Variants in NAV1 observed in about 807,000 individuals in gnomAD.
NAV1 encodes the protein pore membrane and/or filament interacting like protein 3.
NAV1 carries 18 observed loss-of-function variants against 175.2 expected under a neutral mutation model. The observed-to-expected ratio is 0.10, with a 90% CI of 0.07 to 0.15. NAV1 has a LOEUF of 0.15. NAV1 is among the 10% of genes least tolerant of loss of function. The pLI is 1.00. For missense variants in NAV1, 1,731 were observed against 2,436.6 expected, an observed-to-expected ratio of 0.71 and a Z score of 6.10; for synonymous variants, 897 against 978.7, an observed-to-expected ratio of 0.92 and a Z score of 1.56.
At chr1:201,551,868 G>A (rs952783909) in intron 1 of NAV1, among the ~76,000 whole-genome samples, 2 of 152,228 alleles carry the variant, frequency 1.3e-5, no homozygotes, top group Non-Finnish European at 2.9e-5. Flanking sequence ...CCGGTCTGGA[G>A]CTAATAAGCC....
chr1:201,604,245 G>C (rs894149963), intron 2 of NAV1, among the ~76,000 whole-genome samples: 1 of 152,126 alleles, frequency 6.6e-6, no homozygotes, highest in African/African-American at 2.4e-5. Flanking sequence ...TGTAGAGGTG[G>C]TGATCTTGTT....
chr1:201,811,757 GGTAA>G lies in NAV1; in HGVS notation c.4952+6_4952+9del, dbSNP rs1678705202. 6.2e-7 allele frequency: 1 copy of G among 1,604,202 alleles called. No individual in the cohort carries two copies. The highest frequency in any genetic ancestry group is 2.2e-5 in the East Asian group (1 of 44,830). ...GCCCTCACCTGCAAGTATCATAAAT[GGTAA>G]GTAAGCTGGGATCAAGACAAAATTC... On this transcript the variant is annotated splice_donor_variant and splice_donor_region_variant and intron_variant, in intron 25 of 29. Coordinates refer to ENST00000367296, the Ensembl canonical transcript of NAV1. LOFTEE classifies it high-confidence loss of function.
intron 1 of NAV1, among the ~76,000 whole-genome samples, chr1:201,552,757 A>G (rs763874214): frequency 6.6e-6 from 1 of 152,152 alleles, no homozygotes; most frequent in Non-Finnish European, 1.5e-5. Flanking sequence ...GATCCACCGA[A>G]CGTACACCGG....
chr1:201,721,862 G>A (rs1361282528), intron 3 of NAV1, among the ~76,000 whole-genome samples: 1 of 152,146 alleles, frequency 6.6e-6, no homozygotes, highest in Admixed American at 6.5e-5. Context: ...GTTTATCTGC[G>A]GGGGGATCAT....
At chr1:201,652,676 G>T (rs917739507) in intron 1 of NAV1, among the ~76,000 whole-genome samples, 25 of 152,196 alleles carry the variant, frequency 1.6e-4, no homozygotes, top group African/African-American at 5.8e-4. Context: ...GAATGGAAGA[G>T]ACCCTCCCAT....
intron 3 of NAV1, among the ~76,000 whole-genome samples, chr1:201,749,831 G>A (rs554632375): frequency 2.6e-5 from 4 of 152,234 alleles, no homozygotes; most frequent in East Asian, 3.9e-4. Flanking sequence ...AGCCTAGGAC[G>A]TCGAGGCTGC....
chr1:201,748,373 C>A (rs935785024), intron 3 of NAV1, among the ~76,000 whole-genome samples: 2 of 152,148 alleles, frequency 1.3e-5, no homozygotes, highest in Non-Finnish European at 2.9e-5. Context: ...CCTGGCAAAG[C>A]TGTGCTCCTC....
intron 1 of NAV1, among the ~76,000 whole-genome samples, chr1:201,651,122 C>CGTGTGTGTGTATGTGT (rs1553248670): frequency 1.5e-5 from 2 of 129,062 alleles, no homozygotes; most frequent in Non-Finnish European, 3.4e-5. Flanking sequence ...AGGAAGGGAC[C>CGTGTGTGTGTATGTGT]GTGTGTGTGT....
At chr1:201,743,930 G>C (rs1460763877) in intron 3 of NAV1, among the ~76,000 whole-genome samples, 2 of 152,148 alleles carry the variant, frequency 1.3e-5, no homozygotes, top group Admixed American at 1.3e-4. Flanking sequence ...TCGAGCCCAG[G>C]CTGGAGTGCA....
exon 30 of NAV1, chr1:201,819,857 T>G: frequency 6.2e-7 from 1 of 1,614,142 alleles, no homozygotes; most frequent in Non-Finnish European, 8.5e-7. Context: ...TGCTGAAACT[T>G]CAAGAAGCTG....
At chr1:201,634,263 C>A (rs147154227) in intron 2 of NAV1, among the ~76,000 whole-genome samples, 5 of 152,342 alleles carry the variant, frequency 3.3e-5, no homozygotes, top group Admixed American at 2.0e-4. Flanking sequence ...TACATAAGAA[C>A]TGCTCAATAT....
upstream of NAV1, among the ~76,000 whole-genome samples, chr1:201,645,401 TG>T (rs58027744): frequency 0.014 from 953 of 66,960 alleles, 23 homozygotes; most frequent in African/African-American, 0.056. Context: ...GGGACTGTTG[TG>T]GGGTGGGGGG....
intron 1 of NAV1, among the ~76,000 whole-genome samples, chr1:201,570,121 G>A (rs987319): frequency 6.6e-6 from 1 of 152,068 alleles, no homozygotes; most frequent in East Asian, 1.9e-4. Flanking sequence ...GCCCTGATTA[G>A]GCTGACCTGA....
At position 201,663,972 on chromosome 1, in the gene NAV1, A is replaced by G. The variant is rs143097070; in HGVS notation, c.757+14547A>G. 9.9e-3 allele frequency among the ~76,000 whole-genome samples: 1,515 copies of G among 152,278 alleles called. 28 individuals are homozygous for G. Among genetic ancestry groups the G allele is most frequent in the African/African-American group, 0.034 (1,416 of 41,540 alleles). Reference sequence around the variant, plus strand: ...GTTGAAATTGTATCTTTGGATTACAATCGTAAAGTTCCCAGCTTCTCAACT... The same window carrying G: ...GTTGAAATTGTATCTTTGGATTACAGTCGTAAAGTTCCCAGCTTCTCAACT... On this transcript the variant is annotated intron_variant, in intron 1 of 29. Coordinates refer to ENST00000367296, the Ensembl canonical transcript of NAV1.
At chr1:201,805,677 C>G (rs1334315434) in intron 17 of NAV1, among the ~76,000 whole-genome samples, 1 of 152,166 alleles carries the variant, frequency 6.6e-6, no homozygotes, top group Non-Finnish European at 1.5e-5. Context: ...AATCCCAGAA[C>G]TTTGGGAGGC....
intron 1 of NAV1, among the ~76,000 whole-genome samples, chr1:201,544,034 T>C (rs924797307): frequency 1.3e-5 from 2 of 152,258 alleles, no homozygotes; most frequent in Admixed American, 1.3e-4. Flanking sequence ...CTGGTCATCC[T>C]GAGACTCAGA....
chr1:201,722,827 C>A (rs1173829634), intron 3 of NAV1, among the ~76,000 whole-genome samples: 1 of 152,212 alleles, frequency 6.6e-6, no homozygotes, highest in Non-Finnish European at 1.5e-5. Flanking sequence ...CCATCCTGGC[C>A]AGGCGCGGTG....
At chr1:201,781,077 G>A (rs1676296398) in exon 5 of NAV1, 1 of 1,614,192 alleles carries the variant, frequency 6.2e-7, no homozygotes, top group Non-Finnish European at 8.5e-7. Context: ...GTGAATCAGA[G>A]GAGAAAGCCC....
At chr1:201,563,099 G>C (rs1465826937) in intron 1 of NAV1, among the ~76,000 whole-genome samples, 1 of 152,180 alleles carries the variant, frequency 6.6e-6, no homozygotes, top group East Asian at 1.9e-4. Flanking sequence ...TCCTAAGAGA[G>C]GATGTGTGGG....
Sources: gnomAD v4.1 joint callset for allele counts (sites outside exome capture counted in the v4.1 genomes callset) on GRCh38, gnomAD v4.1.1 for gene constraint, MANE v1.5 for transcripts, NCBI Gene and HGNC (gene_info 2026-07-23, HGNC 2026-07-21) for gene names.